Variants in RYR2 observed in about 807,000 individuals in gnomAD.
RYR2 encodes the protein cardiac muscle ryanodine receptor-calcium release channel.
Under a neutral mutation model 601.1 loss-of-function variants are expected in RYR2, and 227 were observed. That is an observed-to-expected ratio of 0.38 (90% CI 0.34 to 0.42). The LOEUF is 0.42. RYR2 is among the 10% of genes least tolerant of loss of function. The probability of loss-of-function intolerance (pLI) is 1.00; values close to 1 mark genes in which losing one functional copy is unlikely to be tolerated. For synonymous variants in RYR2, 2,223 were observed against 2,175.1 expected (o/e 1.02, Z -0.61); for missense variants, 4,646 against 6,156.5 (o/e 0.75, Z 8.21).
chr1:237,550,540 G>C lies in RYR2; in HGVS notation c.3067-4G>C. On this transcript the variant is annotated splice_polypyrimidine_tract_variant and splice_region_variant and intron_variant, in intron 26 of 104. Coordinates refer to ENST00000366574, the MANE Select transcript of RYR2 (RefSeq NM_001035.3). ...TGACGGCTGCACCCTGTGTTTTCCT[G>C]CAGGACGTAAAGAACAGAAGAAATC... The C allele has an allele frequency of 6.2e-7, 1 of 1,608,240 alleles. No homozygotes were observed.
At chr1:237,620,122 G>C (rs1199325209) in intron 38 of RYR2, among the ~76,000 whole-genome samples, 1 of 152,094 alleles carries the variant, frequency 6.6e-6, no homozygotes, top group Non-Finnish European at 1.5e-5. Context: ...TCATAAAACT[G>C]ATGTGTTTCT....
rs930305263 is a variant in RYR2, at chr1:237,607,482, C to T, written c.4684-3280C>T. Among the ~76,000 whole-genome samples the T allele has an allele frequency of 1.1e-4, 16 of 151,878 alleles. No individual in the cohort carries two copies. The East Asian group carries it at 2.5e-3, about 24-fold the overall frequency. ...GGAGATATACCTAATGTAAATGACGCGTTAATGGGTGCAGCACACCAACAT... is the reference window on the plus strand; with the variant it reads ...GGAGATATACCTAATGTAAATGACGTGTTAATGGGTGCAGCACACCAACAT... On this transcript the variant is annotated intron_variant, in intron 35 of 104. Coordinates refer to ENST00000366574, the MANE Select transcript of RYR2 (RefSeq NM_001035.3).
At chr1:237,661,108 T>G (rs1240625173) in intron 56 of RYR2, among the ~76,000 whole-genome samples, 161 bp downstream of exon 56, 1 of 152,138 alleles carries the variant, frequency 6.6e-6, no homozygotes, top group Non-Finnish European at 1.5e-5. Context: ...TTTTTTAGTT[T>G]CAAAGGAGGT....
intron 58 of RYR2, 138 bp downstream of exon 58, chr1:237,668,096 G>A (rs572259961): frequency 1.6e-6 from 1 of 617,788 alleles, no homozygotes; most frequent in African/African-American, 1.9e-5. Context: ...GTAACAGATT[G>A]AAGTTGGAAA....
intron 1 of RYR2, among the ~76,000 whole-genome samples, chr1:237,203,851 GC>G (rs1238716980): frequency 1.3e-5 from 2 of 152,120 alleles, no homozygotes; most frequent in Admixed American, 1.3e-4. Context: ...CCTATTCCGT[GC>G]AGTCTCCACC....
intron 1 of RYR2, among the ~76,000 whole-genome samples, chr1:237,168,691 C>T (rs1205148773): frequency 1.7e-5 from 2 of 114,408 alleles, no homozygotes; most frequent in South Asian, 3.4e-4. Context: ...TTTCACTTTT[C>T]TCTGTTCTTG....
intron 3 of RYR2, among the ~76,000 whole-genome samples, chr1:237,344,207 G>A (rs1698092493): frequency 6.6e-6 from 1 of 152,194 alleles, no homozygotes; most frequent in Non-Finnish European, 1.5e-5. Flanking sequence ...TCCAGCTAAT[G>A]ATCGGATTAT....
intron 1 of RYR2, among the ~76,000 whole-genome samples, chr1:237,125,423 TAAAA>T (rs35773659): frequency 7.7e-6 from 1 of 130,162 alleles, no homozygotes. Context: ...GCTGTTTTGC[TAAAA>T]AAAAAAAAAA....
In RYR2 at chr1:237,598,803, T is replaced by C. The variant is rs925208714; in HGVS notation, c.4596+3146T>C. On this transcript the variant is annotated intron_variant, in intron 34 of 104. Transcript: ENST00000366574. ...AATAGAAGTAAATAAATAATAAAAA[T>C]TGGAACAATAACGAAACAGAGACTA... Among the ~76,000 whole-genome samples, 5 of 151,936 alleles carry C rather than the reference T, an allele frequency of 3.3e-5. 1 individual carries two copies. The highest frequency in any genetic ancestry group is 6.6e-5 in the Admixed American group (1 of 15,248).
intron 1 of RYR2, among the ~76,000 whole-genome samples, chr1:237,252,195 C>T (rs1310359845): frequency 3.3e-5 from 5 of 151,942 alleles, no homozygotes; most frequent in South Asian, 4.2e-4. Context: ...CTCAGTCCTC[C>T]GTGGCCCTCT....
chr1:237,771,862 T>G (rs1694298140), intron 85 of RYR2, 150 bp from the exon 86 acceptor site: 1 of 585,346 alleles, frequency 1.7e-6, no homozygotes, highest in South Asian at 2.1e-5. Flanking sequence ...ATGGAAAATA[T>G]AAATTATTTT....
chr1:237,407,852 G>T (rs926964408), intron 10 of RYR2, among the ~76,000 whole-genome samples: 1 of 151,916 alleles, frequency 6.6e-6, no homozygotes, highest in Non-Finnish European at 1.5e-5. Flanking sequence ...TCCTGACCTC[G>T]TGATCCACCT....
intron 3 of RYR2, among the ~76,000 whole-genome samples, chr1:237,352,228 T>G (rs1368813748): frequency 6.6e-6 from 1 of 152,064 alleles, no homozygotes; most frequent in African/African-American, 2.4e-5. Flanking sequence ...TGGATACTTT[T>G]GGAATTAAAA....
At chr1:237,800,686 G>T (rs1317548026) in intron 97 of RYR2, among the ~76,000 whole-genome samples, 1 of 152,106 alleles carries the variant, frequency 6.6e-6, no homozygotes, top group Non-Finnish European at 1.5e-5. Flanking sequence ...GAAAGGCTGG[G>T]AAAGTTACAA....
chr1:237,567,117 T>TA (rs749645370), intron 28 of RYR2, among the ~76,000 whole-genome samples: 1 of 152,212 alleles, frequency 6.6e-6, no homozygotes, highest in Non-Finnish European at 1.5e-5. Flanking sequence ...ATTAGTGGTT[T>TA]GTATGAACAT....
chr1:237,138,862 A>T (rs967579611), intron 1 of RYR2, among the ~76,000 whole-genome samples: 1 of 152,250 alleles, frequency 6.6e-6, no homozygotes, highest in East Asian at 1.9e-4. Flanking sequence ...ACCACTTCAC[A>T]TCCACCAGAA....
At chr1:237,365,787 T>A (rs983764882) in intron 5 of RYR2, among the ~76,000 whole-genome samples, 1 of 152,186 alleles carries the variant, frequency 6.6e-6, no homozygotes, top group African/African-American at 2.4e-5. Flanking sequence ...GAAGGGTGAA[T>A]GAAATGGTCG....
chr1:237,200,639 G>A (rs1403260770), intron 1 of RYR2, among the ~76,000 whole-genome samples: 1 of 152,120 alleles, frequency 6.6e-6, no homozygotes, highest in Non-Finnish European at 1.5e-5. Context: ...CAGATTCTGG[G>A]GGGATTACTT....
intron 17 of RYR2, among the ~76,000 whole-genome samples, chr1:237,481,649 G>GT (rs947147076): frequency 4.0e-5 from 6 of 151,892 alleles, no homozygotes; most frequent in African/African-American, 1.5e-4. Flanking sequence ...GATGCAATGC[G>GT]TAAGTTATCA....
Sources: gnomAD v4.1 joint callset for allele counts (sites outside exome capture counted in the v4.1 genomes callset) on GRCh38, gnomAD v4.1.1 for gene constraint, MANE v1.5 for transcripts, NCBI Gene and HGNC (gene_info 2026-07-23, HGNC 2026-07-21) for gene names.